RBMS2: variants seen among roughly 807,000 people sequenced by gnomAD.
RBMS2 encodes the protein RNA-binding motif, single-stranded-interacting protein 2.
RBMS2 carries 38 observed loss-of-function variants against 58.4 expected under a neutral mutation model. The ratio of observed to expected loss-of-function variants is 0.65; its 90% CI spans 0.50 to 0.85. The LOEUF is 0.85. RBMS2 is among the 40% of genes least tolerant of loss of function. The pLI is 0.00. For missense variants in RBMS2, 367 were observed against 503.7 expected (o/e 0.73, Z 2.60); for synonymous variants, 151 against 180.7 (o/e 0.84, Z 1.32).
At position 56,593,971 on chromosome 12, in the gene RBMS2, A is replaced by G. The variant is rs1885508386; in HGVS notation, c.*4838A>G. 1 of 152,260 alleles carries G rather than the reference A, an allele frequency of 6.6e-6. No homozygotes were observed. Among genetic ancestry groups the G allele is most frequent in the Admixed American group, 6.5e-5 (1 of 15,278 alleles). The allele number at this position is 152,260 out of a possible 1,614,324, so 9.4% of individuals were successfully genotyped here. A position where few individuals can be genotyped will look rare whatever the true frequency, so the allele number is the denominator to read the frequency against. Reference sequence around the variant, plus strand: ...TGGTAAGAGGACATTACTCATATTGAAGATGAAGACCAGACTTTGCTGCTT... The same window carrying G: ...TGGTAAGAGGACATTACTCATATTGGAGATGAAGACCAGACTTTGCTGCTT... On this transcript the variant is annotated 3_prime_UTR_variant, in exon 14 of 14. Coordinates refer to ENST00000262031, the MANE Select transcript of RBMS2 (RefSeq NM_002898.4).
chr12:56,560,534 G>A (rs1186128213), intron 1 of RBMS2, among the ~76,000 whole-genome samples: 10 of 152,012 alleles, frequency 6.6e-5, no homozygotes, highest in East Asian at 1.9e-4. Flanking sequence ...GATTACGGGC[G>A]TGAGCCACTG....
chr12:56,541,505 T>C (rs190458128), intron 1 of RBMS2, among the ~76,000 whole-genome samples: 260 of 152,280 alleles, frequency 1.7e-3, no homozygotes, highest in Non-Finnish European at 2.4e-3. Flanking sequence ...AGGGTTTCAA[T>C]TGGAAGCACT....
intron 1 of RBMS2, among the ~76,000 whole-genome samples, chr12:56,526,442 T>C (rs149135198): frequency 6.7e-4 from 102 of 152,196 alleles, no homozygotes; most frequent in Admixed American, 9.2e-4. Context: ...TCTTACTCTT[T>C]ATTGGCTGGT....
intron 1 of RBMS2, among the ~76,000 whole-genome samples, chr12:56,562,001 G>C (rs928435231): frequency 6.6e-6 from 1 of 151,396 alleles, no homozygotes; most frequent in Admixed American, 6.6e-5. Context: ...ATAGAGACAG[G>C]GTTTCACCAT....
intron 1 of RBMS2, among the ~76,000 whole-genome samples, chr12:56,526,590 A>G (rs954169102): frequency 4.0e-5 from 6 of 150,340 alleles, no homozygotes; most frequent in African/African-American, 1.5e-4. Flanking sequence ...TGGATTTCAA[A>G]GAGGGATTCT....
intron 5 of RBMS2, chr12:56,572,859 ACT>A (rs1274489206): frequency 3.0e-6 from 3 of 984,254 alleles, no homozygotes; most frequent in South Asian, 4.7e-5. Context: ...GCCTTGGTTC[ACT>A]CTCTGAAGTG....
intron 1 of RBMS2, among the ~76,000 whole-genome samples, chr12:56,522,797 G>A (rs758353973): frequency 2.0e-5 from 3 of 152,164 alleles, no homozygotes; most frequent in African/African-American, 4.8e-5. Context: ...CTGTCCTTGG[G>A]CACATGGGGA....
intron 1 of RBMS2, among the ~76,000 whole-genome samples, chr12:56,545,037 A>G (rs1232786348): frequency 1.3e-5 from 2 of 152,028 alleles, no homozygotes; most frequent in Non-Finnish European, 2.9e-5. Flanking sequence ...ACTGTACCCA[A>G]TATGTAGTCT....
intron 2 of RBMS2, among the ~76,000 whole-genome samples, chr12:56,564,668 G>A (rs1291527074): frequency 6.6e-6 from 1 of 152,178 alleles, no homozygotes; most frequent in Non-Finnish European, 1.5e-5. Flanking sequence ...CTGGCTTCAA[G>A]TCCCTTAGAT....
At chr12:56,573,476 CAAAAAAA>C (rs71081382) in intron 5 of RBMS2, among the ~76,000 whole-genome samples, 3 of 59,682 alleles carry the variant, frequency 5.0e-5, no homozygotes, top group African/African-American at 2.1e-4. Context: ...GACGCCATCT[CAAAAAAA>C]AAAAAAAAAA....
chr12:56,558,255 C>T (rs2136389710), intron 1 of RBMS2, among the ~76,000 whole-genome samples: 1 of 34,710 alleles, frequency 2.9e-5, no homozygotes, highest in African/African-American at 7.2e-5. Context: ...GCCATGTTGG[C>T]CAGGATGGTC....
At chr12:56,540,699 C>T (rs1047891926) in intron 1 of RBMS2, among the ~76,000 whole-genome samples, 8 of 152,132 alleles carry the variant, frequency 5.3e-5, no homozygotes, top group Non-Finnish European at 1.5e-5. Context: ...TATTTTAATC[C>T]CCACAACAGT....
In RBMS2 at chr12:56,589,320, C is replaced by A. The variant is rs1055825720; in HGVS notation, c.*187C>A. The A allele has an allele frequency of 2.3e-6, 3 of 1,312,612 alleles. No individual in the cohort carries two copies. The highest frequency in any genetic ancestry group is 3.0e-6 in the Non-Finnish European group (3 of 1,012,992). The allele number at this position is 1,312,612 out of a possible 1,614,324, so 81.3% of individuals were successfully genotyped here. On this transcript the variant is annotated 3_prime_UTR_variant, in exon 14 of 14. Transcript: ENST00000262031. ...GAAATCTCTACGTTCCTGCCCTTTACTATTGCTGATGGAGCCTGGGGGAAC... is the reference window on the plus strand; with the variant it reads ...GAAATCTCTACGTTCCTGCCCTTTAATATTGCTGATGGAGCCTGGGGGAAC...
intron 1 of RBMS2, among the ~76,000 whole-genome samples, chr12:56,524,977 C>A (rs1172665262): frequency 6.6e-6 from 1 of 151,414 alleles, no homozygotes; most frequent in Non-Finnish European, 1.5e-5. Flanking sequence ...CTGCCTCGGC[C>A]TCCCAAAGTG....
intron 1 of RBMS2, among the ~76,000 whole-genome samples, chr12:56,549,856 C>T (rs768789401): frequency 1.3e-5 from 2 of 151,826 alleles, no homozygotes; most frequent in South Asian, 2.1e-4. Context: ...GGAGAAACCC[C>T]GTCTCTACTA....
chr12:56,548,181 C>T (rs1185999494), intron 1 of RBMS2, among the ~76,000 whole-genome samples: 4 of 151,978 alleles, frequency 2.6e-5, no homozygotes, highest in Non-Finnish European at 5.9e-5. Context: ...TGGTGGCTCA[C>T]ACCTGTAATC....
At chr12:56,537,201 G>A (rs367947900) in intron 1 of RBMS2, among the ~76,000 whole-genome samples, 12 of 152,094 alleles carry the variant, frequency 7.9e-5, no homozygotes, top group Admixed American at 2.0e-4. Flanking sequence ...GATTACAGGC[G>A]TGAGGCGCCC....
intron 1 of RBMS2, among the ~76,000 whole-genome samples, chr12:56,552,244 C>T (rs927772649): frequency 6.6e-6 from 1 of 151,962 alleles, no homozygotes; most frequent in African/African-American, 2.4e-5. Context: ...AGTTTTATTC[C>T]CTGGAGGTGG....
At chr12:56,575,564 C>A (rs1882994647) in intron 5 of RBMS2, among the ~76,000 whole-genome samples, 1 of 151,360 alleles carries the variant, frequency 6.6e-6, no homozygotes, top group Non-Finnish European at 1.5e-5. Flanking sequence ...CCTACACCCC[C>A]CCTCAAAAAA....
Sources: gnomAD v4.1 joint callset for allele counts (sites outside exome capture counted in the v4.1 genomes callset) on GRCh38, gnomAD v4.1.1 for gene constraint, MANE v1.5 for transcripts, NCBI Gene and HGNC (gene_info 2026-07-23, HGNC 2026-07-21) for gene names.